The following PON3 variants were observed in gnomAD, a reference collection of about 807,000 sequenced individuals.
The protein encoded by PON3 is serum paraoxonase/lactonase 3.
PON3 carries 37 observed loss-of-function variants against 36.3 expected under a neutral mutation model. The ratio of observed to expected loss-of-function variants is 1.02; its 90% CI spans 0.78 to 1.34. The LOEUF is 1.34. Ranked by LOEUF, PON3 falls within the 40% of genes most tolerant of loss-of-function variation. The pLI is 0.00. For synonymous variants in PON3, 155 were observed against 154.8 expected (o/e 1.00, Z -0.01); for missense variants, 415 against 426.5 (o/e 0.97, Z 0.24).
At position 95,360,066 on chromosome 7, in the gene PON3, G is replaced by A. The variant is rs1052050353; in HGVS notation, c.972C>T (p.Gly324=). ...CCACAGAGGTGCCCTGAAGCACAGA[G>A]CCATTGTTGGCATACACGGTGCTCA... ...PRVSTVYANN[G]SVLQGTSVAS... is the part of the protein sequence containing the mutation. The change falls in exon 9 of 9, where the codon GGC becomes GGT. Residue 324 remains glycine, a synonymous_variant. Transcript: ENST00000265627. The A allele has an allele frequency of 1.9e-6, 3 of 1,613,138 alleles. No individual in the cohort carries two copies. Among genetic ancestry groups the A allele is most frequent in the Non-Finnish European group, 2.5e-6 (3 of 1,179,504 alleles).
chr7:95,379,177 A>G (rs1277783218), intron 3 of PON3, among the ~76,000 whole-genome samples: 1 of 152,242 alleles, frequency 6.6e-6, no homozygotes, highest in Non-Finnish European at 1.5e-5. Context: ...ACATAATGGT[A>G]AAGGGAACAA....
Position 95,372,299 on chromosome 7 carries a change from C to T in PON3, c.241G>A (p.Glu81Lys), listed in dbSNP as rs1230081326. 2 of 1,613,796 alleles carry T rather than the reference C, an allele frequency of 1.2e-6. No individual in the cohort carries two copies. Among genetic ancestry groups the T allele is most frequent in the East Asian group, 2.2e-5 (1 of 44,872 alleles). Reference protein sequence around the residue: ...YPGMPNFAPDEPGKIFLMDLN... With the variant: ...YPGMPNFAPDKPGKIFLMDLN... Reference sequence around the variant, plus strand: ...TCCATCAAGAAGATTTTTCCTGGTTCATCTGGCGCAAAGTTTGGCATGCCT... The same window carrying T: ...TCCATCAAGAAGATTTTTCCTGGTTTATCTGGCGCAAAGTTTGGCATGCCT... The change falls in exon 4 of 9, where the codon GAA (glutamate) becomes AAA (lysine). Residue 81 changes from glutamate (E) to lysine (K), a missense_variant. Glu to Lys is a moderately conservative substitution (Grantham distance 56). Coordinates refer to ENST00000265627, the MANE Select transcript of PON3 (RefSeq NM_000940.3).
intron 2 of PON3, among the ~76,000 whole-genome samples, chr7:95,392,053 T>C (rs1485503061): frequency 6.6e-6 from 1 of 152,210 alleles, no homozygotes; most frequent in Non-Finnish European, 1.5e-5. Flanking sequence ...CTGCAAAGCA[T>C]AGATAGCAGC....
intron 1 of PON3, among the ~76,000 whole-genome samples, chr7:95,394,997 T>C (rs1205144668): frequency 6.6e-6 from 1 of 152,176 alleles, no homozygotes; most frequent in Non-Finnish European, 1.5e-5. Flanking sequence ...CACTATTTAA[T>C]AGTATGAGTA....
At chr7:95,378,937 C>T (rs957939548) in intron 3 of PON3, among the ~76,000 whole-genome samples, 4 of 152,064 alleles carry the variant, frequency 2.6e-5, no homozygotes, top group African/African-American at 7.2e-5. Flanking sequence ...CTAAATGCCC[C>T]GATTAAAAGA....
chr7:95,372,459 T>C (rs923061655), intron 3 of PON3, 121 bp from the exon 4 acceptor site: 16 of 1,138,804 alleles, frequency 1.4e-5, no homozygotes, highest in Non-Finnish European at 1.6e-5. Flanking sequence ...TTTAGATTAC[T>C]GGGCTTTTTC....
At chr7:95,368,523 A>G (rs1293821308) in intron 4 of PON3, among the ~76,000 whole-genome samples, 3 of 152,222 alleles carry the variant, frequency 2.0e-5, no homozygotes, top group Non-Finnish European at 4.4e-5. Context: ...GCTAGACACA[A>G]TAGTGAACAA....
chr7:95,393,950 G>A (rs1395617822), intron 2 of PON3, among the ~76,000 whole-genome samples: 2 of 152,144 alleles, frequency 1.3e-5, no homozygotes, highest in Non-Finnish European at 2.9e-5. Context: ...CTGGAGTACA[G>A]TGGCGCGATC....
At chr7:95,390,804 G>A (rs2116423438) in intron 2 of PON3, among the ~76,000 whole-genome samples, 1 of 152,096 alleles carries the variant, frequency 6.6e-6, no homozygotes, top group African/African-American at 2.4e-5. Context: ...TTTTTTCTAT[G>A]GAAAGAGACA....
At chr7:95,368,814 C>CAAAAAAAAAAA (rs11388951) in intron 4 of PON3, among the ~76,000 whole-genome samples, 2 of 133,104 alleles carry the variant, frequency 1.5e-5, no homozygotes, top group East Asian at 2.1e-4. Flanking sequence ...CAAAAACAAA[C>CAAAAAAAAAAA]AAAAAAAAAA....
At chr7:95,389,027 A>G (rs543836248) in intron 3 of PON3, among the ~76,000 whole-genome samples, 1 of 152,308 alleles carries the variant, frequency 6.6e-6, no homozygotes. Flanking sequence ...AGCATGGCAC[A>G]TGTATACCTA....
At chr7:95,360,278 G>A in intron 8 of PON3, 147 bp from the exon 9 acceptor site, 1 of 838,428 alleles carries the variant, frequency 1.2e-6, no homozygotes, top group East Asian at 2.6e-5. Context: ...TTCTTCTGAT[G>A]AAAGTACTAA....
At chr7:95,376,806 C>T (rs572199714) in intron 3 of PON3, among the ~76,000 whole-genome samples, 232 of 137,768 alleles carry the variant, frequency 1.7e-3, no homozygotes, top group Non-Finnish European at 1.7e-3. Flanking sequence ...GGAACAGCTC[C>T]GGCCTGCGGC....
chr7:95,377,746 A>T (rs1158650547), intron 3 of PON3: 2 of 177,482 alleles, frequency 1.1e-5, no homozygotes, highest in African/African-American at 4.8e-5. Flanking sequence ...AACAAAGAGC[A>T]CATCTACACC....
In PON3 at chr7:95,360,112, A is replaced by G; in HGVS notation, c.926T>C (p.Val309Ala). 1 of 1,613,598 alleles carries G rather than the reference A, an allele frequency of 6.2e-7. No individual in the cohort carries two copies. Among genetic ancestry groups the G allele is most frequent in the South Asian group, 1.1e-5 (1 of 91,064 alleles). ...GCTCACCCTGGGCTTCTCAGACAAAACATTCTGGATGCGAAGTACCTGTCG... is the reference window on the plus strand; with the variant it reads ...GCTCACCCTGGGCTTCTCAGACAAAGCATTCTGGATGCGAAGTACCTGTCG... The part of the protein sequence containing the change: ...PGSEVLRIQN[V>A]LSEKPRVSTV... The change falls in exon 9 of 9, where the codon GTT (valine) becomes GCT (alanine). Residue 309 changes from valine to alanine, a missense_variant. Physicochemically the swap from Val to Ala is moderately conservative, Grantham distance 64. Transcript: ENST00000265627.
At chr7:95,387,822 AAC>A (rs1809232211) in intron 3 of PON3, among the ~76,000 whole-genome samples, 1 of 152,198 alleles carries the variant, frequency 6.6e-6, no homozygotes, top group Non-Finnish European at 1.5e-5. Context: ...CCTCAGAAAT[AAC>A]ACCACACATC....
chr7:95,378,148 A>C (rs560628113), intron 3 of PON3, among the ~76,000 whole-genome samples: 1 of 152,304 alleles, frequency 6.6e-6, no homozygotes, highest in East Asian at 1.9e-4. Flanking sequence ...AAGTGGAAGA[A>C]AGGATATCAG....
intron 1 of PON3, 36 bp from the exon 2 acceptor site, chr7:95,394,750 C>T (rs1263323495): frequency 1.3e-6 from 2 of 1,541,848 alleles, no homozygotes; most frequent in Non-Finnish European, 1.8e-6. Flanking sequence ...GAAGTCAAGG[C>T]ACAGCATTCA....
chr7:95,383,044 C>T (rs1490402349), intron 3 of PON3, among the ~76,000 whole-genome samples: 2 of 152,118 alleles, frequency 1.3e-5, no homozygotes, highest in Non-Finnish European at 2.9e-5. Flanking sequence ...AAGGCTGGTC[C>T]AACATACACA....
Sources: allele counts gnomAD v4.1 joint callset (sites outside exome capture counted in the v4.1 genomes callset), GRCh38; gene constraint gnomAD v4.1.1; transcripts MANE v1.5; gene names NCBI Gene and HGNC (gene_info 2026-07-23, HGNC 2026-07-21).